The following ROBO2 variants were observed in gnomAD, a reference collection of about 807,000 sequenced individuals.
ROBO2 encodes roundabout guidance receptor 2, also known as roundabout homolog 2.
A neutral mutation model predicts 160.8 loss-of-function variants in ROBO2; 53 were observed. That is an observed-to-expected ratio of 0.33 (90% CI 0.26 to 0.41). ROBO2 has a LOEUF of 0.41. ROBO2 is among the 10% of genes least tolerant of loss of function. ROBO2 has a pLI of 1.00. For missense variants in ROBO2, 1,577 were observed against 1,722.4 expected (o/e 0.92, Z 1.49); for synonymous variants, 664 against 611.7 (o/e 1.09, Z -1.26).
chr3:75,943,279 T>C (rs1396707176), intron 2 of ROBO2, among the ~76,000 whole-genome samples: 2 of 152,194 alleles, frequency 1.3e-5, no homozygotes, highest in African/African-American at 4.8e-5. Flanking sequence ...TAAAGTATGA[T>C]TTCTTTCACA....
intron 2 of ROBO2, among the ~76,000 whole-genome samples, chr3:76,338,040 T>C (rs1417121702): frequency 1.3e-5 from 2 of 152,134 alleles, no homozygotes; most frequent in African/African-American, 4.8e-5. Flanking sequence ...ATGGTTACAA[T>C]TCATTTCATG....
intron 2 of ROBO2, among the ~76,000 whole-genome samples, chr3:76,882,990 A>T (rs2073511645): frequency 6.6e-6 from 1 of 152,158 alleles, no homozygotes; most frequent in South Asian, 2.1e-4. Flanking sequence ...CTGTAAAAGG[A>T]TATTAACCTG....
chr3:77,330,860 TA>T (rs1482966691), intron 2 of ROBO2, among the ~76,000 whole-genome samples: 6 of 152,230 alleles, frequency 3.9e-5, no homozygotes, highest in Admixed American at 2.0e-4. Context: ...GGTAAAGTAT[TA>T]TTTTTTTAAG....
At chr3:77,611,201 G>T (rs1435858088) in intron 21 of ROBO2, among the ~76,000 whole-genome samples, 1 of 151,992 alleles carries the variant, frequency 6.6e-6, no homozygotes, top group Non-Finnish European at 1.5e-5. Context: ...GGGAGGCTGA[G>T]GCAGGAGAAT....
intron 2 of ROBO2, among the ~76,000 whole-genome samples, chr3:76,703,550 TC>T (rs1175787085): frequency 6.6e-6 from 1 of 152,026 alleles, no homozygotes; most frequent in East Asian, 1.9e-4. Context: ...TGTGTGATGT[TC>T]CCCTCCCTGT....
At chr3:75,990,460 G>A (rs1278646971) in intron 2 of ROBO2, among the ~76,000 whole-genome samples, 1 of 152,124 alleles carries the variant, frequency 6.6e-6, no homozygotes, top group Non-Finnish European at 1.5e-5. Context: ...CTCTAAAAGT[G>A]GCTTAGTTGT....
At chr3:76,967,207 GATTGTCTA>G (rs2059342686) in intron 2 of ROBO2, among the ~76,000 whole-genome samples, 2 of 151,202 alleles carry the variant, frequency 1.3e-5, no homozygotes, top group Non-Finnish European at 2.9e-5. Context: ...GTACTTTGAA[GATTGTCTA>G]ATTCCAAAAT....
At chr3:76,567,809 T>TATATA in intron 2 of ROBO2, among the ~76,000 whole-genome samples, 1 of 64,744 alleles carries the variant, frequency 1.5e-5, no homozygotes, top group Admixed American at 2.1e-4. Flanking sequence ...ATATATATAT[T>TATATA]TTTTTTTTTT....
chr3:76,507,577 T>C (rs1253588050), intron 2 of ROBO2, among the ~76,000 whole-genome samples: 1 of 152,086 alleles, frequency 6.6e-6, no homozygotes, highest in Non-Finnish European at 1.5e-5. Flanking sequence ...GAACCAGCTA[T>C]AAAAGAGCTT....
chr3:77,175,341 T>G (rs1224756816), intron 2 of ROBO2, among the ~76,000 whole-genome samples: 1 of 151,830 alleles, frequency 6.6e-6, no homozygotes, highest in Non-Finnish European at 1.5e-5. Context: ...GGTTTTTGGG[T>G]TTTTTCGGGG....
chr3:76,913,442 AC>A (rs1354756430), intron 2 of ROBO2, among the ~76,000 whole-genome samples: 23 of 152,244 alleles, frequency 1.5e-4, no homozygotes, highest in African/African-American at 5.3e-4. Context: ...TATATGTTCT[AC>A]CTGTACTATG....
chr3:76,384,214 C>T (rs1284488143), intron 2 of ROBO2, among the ~76,000 whole-genome samples: 1 of 152,160 alleles, frequency 6.6e-6, no homozygotes, highest in Non-Finnish European at 1.5e-5. Context: ...CTAAAACTGT[C>T]CTTGGCTGCA....
chr3:76,172,173 A>C (rs2073063445), intron 2 of ROBO2, among the ~76,000 whole-genome samples: 1 of 151,700 alleles, frequency 6.6e-6, no homozygotes, highest in African/African-American at 2.4e-5. Flanking sequence ...TGAACTCATC[A>C]TTTTTTTATG....
chr3:76,833,102 A>T (rs1257283637), intron 2 of ROBO2, among the ~76,000 whole-genome samples: 2 of 152,152 alleles, frequency 1.3e-5, no homozygotes, highest in East Asian at 3.9e-4. Flanking sequence ...AGAAGTGCAA[A>T]TATGGGATTA....
At chr3:76,778,068 C>T (rs2062393494) in intron 2 of ROBO2, among the ~76,000 whole-genome samples, 2 of 151,132 alleles carry the variant, frequency 1.3e-5, no homozygotes, top group Admixed American at 1.3e-4. Flanking sequence ...GAGTTCTGGC[C>T]ATTGGACCAT....
rs573916347 is a variant in ROBO2, at chr3:76,673,449, T to C, written c.110-424565T>C. Among the ~76,000 whole-genome samples, 12 of 152,294 alleles carry C rather than the reference T, an allele frequency of 7.9e-5. No homozygotes were observed. The East Asian group carries it at 1.9e-3, about 24-fold the overall frequency. ...GAACAAGTCCATTTTCACAGGAGTC[T>C]TGTGGACATTTTACTGGCAAGGAAA... On this transcript the variant is annotated intron_variant, in intron 2 of 26. Coordinates refer to the ROBO2 transcript ENST00000487694.
At chr3:77,637,809 C>A (rs545044398) in intron 24 of ROBO2, among the ~76,000 whole-genome samples, 1 of 152,200 alleles carries the variant, frequency 6.6e-6, no homozygotes, top group Admixed American at 6.5e-5. Context: ...AAATACAGAT[C>A]TCTTTTTTTC....
chr3:77,228,128 A>G (rs1580187292), intron 2 of ROBO2, among the ~76,000 whole-genome samples: 1 of 152,176 alleles, frequency 6.6e-6, no homozygotes, highest in East Asian at 1.9e-4. Flanking sequence ...TCTGTATTAT[A>G]GTATCCAAAC....
At chr3:76,407,487 A>G (rs1011952518) in intron 2 of ROBO2, among the ~76,000 whole-genome samples, 1 of 151,948 alleles carries the variant, frequency 6.6e-6, no homozygotes, top group African/African-American at 2.4e-5. Flanking sequence ...TTTGAAGCAG[A>G]GTTAATACTG....
Sources: allele counts gnomAD v4.1 joint callset (sites outside exome capture counted in the v4.1 genomes callset), GRCh38; gene constraint gnomAD v4.1.1; transcripts MANE v1.5; gene names NCBI Gene and HGNC (gene_info 2026-07-23, HGNC 2026-07-21).